BAZ2B: variants seen among roughly 807,000 people sequenced by gnomAD.
BAZ2B encodes the protein bromodomain adjacent to zinc finger domain protein 2B.
In BAZ2B, 91 loss-of-function variants were observed where a neutral mutation model predicts 246.0. The observed-to-expected ratio is 0.37, with a 90% CI of 0.31 to 0.44. The LOEUF is 0.44. BAZ2B is among the 20% of genes least tolerant of loss of function. The pLI is 1.00. For missense variants in BAZ2B, 2,332 were observed against 2,533.7 expected (o/e 0.92, Z 1.71); for synonymous variants, 855 against 860.0 (o/e 0.99, Z 0.10).
At position 159,385,775 on chromosome 2, in the gene BAZ2B, T is replaced by G. The variant is rs184460086; in HGVS notation, c.3472-406A>C. Among the ~76,000 whole-genome samples, 296 of 152,260 alleles carry G rather than the reference T, an allele frequency of 1.9e-3. 4 individuals are homozygous for G. The highest frequency in any genetic ancestry group is 6.7e-3 in the African/African-American group (279 of 41,566). On this transcript the variant is annotated intron_variant, in intron 22 of 36. Coordinates refer to ENST00000392783, the MANE Select transcript of BAZ2B (RefSeq NM_013450.4). ...TCTACCCTTAAAGTGTTATAGGTTT[T>G]ACTGGCTGGGGATAATAAATAGGGA...
At chr2:159,406,855 C>T (rs984599081) in intron 14 of BAZ2B, among the ~76,000 whole-genome samples, 2 of 151,840 alleles carry the variant, frequency 1.3e-5, no homozygotes, top group Non-Finnish European at 2.9e-5. Context: ...CCCAGGTTTA[C>T]GCCATTCTCC....
chr2:159,600,960 A>C (rs1691986055), intron 1 of BAZ2B, among the ~76,000 whole-genome samples: 1 of 152,174 alleles, frequency 6.6e-6, no homozygotes, highest in South Asian at 2.1e-4. Context: ...CAAAACTCAT[A>C]ATCCACAGGA....
At chr2:159,364,257 C>T (rs2059997422) in intron 27 of BAZ2B, among the ~76,000 whole-genome samples, 1 of 152,226 alleles carries the variant, frequency 6.6e-6, no homozygotes, top group Admixed American at 6.5e-5. Context: ...AAACAAGTTC[C>T]TCAACTGGGG....
intron 2 of BAZ2B, among the ~76,000 whole-genome samples, chr2:159,491,058 T>C (rs1246460274): frequency 2.0e-5 from 3 of 152,210 alleles, no homozygotes; most frequent in Non-Finnish European, 4.4e-5. Context: ...ATTTTATGGC[T>C]ACTATTAAGT....
At chr2:159,686,991 G>C in the BAZ2B span, among the ~76,000 whole-genome samples, 1 of 137,048 alleles carries the variant, frequency 7.3e-6, no homozygotes, top group Non-Finnish European at 1.5e-5. Flanking sequence ...GCAGTGAGCC[G>C]AGATTGCGCC....
intron 2 of BAZ2B, among the ~76,000 whole-genome samples, chr2:159,520,764 T>G (rs546355146): frequency 3.0e-4 from 45 of 152,248 alleles, no homozygotes; most frequent in African/African-American, 1.1e-3. Flanking sequence ...TCAAAATAAT[T>G]TCAATTGTGA....
chr2:159,324,185 T>A (rs1009279586), intron 36 of BAZ2B, among the ~76,000 whole-genome samples: 1 of 152,158 alleles, frequency 6.6e-6, no homozygotes, highest in Non-Finnish European at 1.5e-5. Context: ...ATATATTGTA[T>A]GAGTATCAGG....
At chr2:159,519,210 C>CTTTTTT (rs564614568) in intron 2 of BAZ2B, among the ~76,000 whole-genome samples, 629 of 57,764 alleles carry the variant, frequency 0.011, 95 homozygotes, top group Non-Finnish European at 0.017. Flanking sequence ...ATTCTATTTT[C>CTTTTTT]TTTTTTTTTT....
chr2:159,320,292 C>T lies in BAZ2B; in HGVS notation c.6480G>A (p.Lys2160=). Residue 2160 remains lysine (K), a synonymous_variant, in exon 37 of 37, where the codon AAG becomes AAA. Transcript: ENST00000392783. The stretch of plus-strand genomic sequence containing the variant: ...AGCTCACTTTGAAAGTATCTGTCCA[C>T]TTTTTTTCAAAATACTTCCTCATAT... The part of the protein sequence containing the change: ...GHNMRKYFEK[K]WTDTFKVS The T allele has an allele frequency of 1.3e-6, 2 of 1,561,808 alleles. No homozygotes were observed. Among genetic ancestry groups the T allele is most frequent in the Non-Finnish European group, 8.6e-7 (1 of 1,166,162 alleles).
chr2:159,561,413 C>T (rs1030356017), intron 1 of BAZ2B, among the ~76,000 whole-genome samples: 1 of 152,194 alleles, frequency 6.6e-6, no homozygotes, highest in African/African-American at 2.4e-5. Context: ...GATGACAGCA[C>T]CATGCCTCTT....
chr2:159,556,751 C>G (rs889918705), intron 1 of BAZ2B, among the ~76,000 whole-genome samples: 1 of 152,032 alleles, frequency 6.6e-6, no homozygotes, highest in Non-Finnish European at 1.5e-5. Flanking sequence ...CATGAGCCAC[C>G]GGACCTAGCC....
chr2:159,683,539 C>T, the BAZ2B span, among the ~76,000 whole-genome samples: 1 of 152,152 alleles, frequency 6.6e-6, no homozygotes, highest in Non-Finnish European at 1.5e-5. Flanking sequence ...GGTTAGTTTT[C>T]TTGTTGCTGC....
chr2:159,368,858 T>TAAAAA (rs58161936), intron 27 of BAZ2B, among the ~76,000 whole-genome samples: 1 of 123,868 alleles, frequency 8.1e-6, no homozygotes, highest in African/African-American at 3.4e-5. Context: ...CTGAAAGGCC[T>TAAAAA]AAAAAAAAAA....
Position 159,501,125 on chromosome 2 carries a change from T to TATATATATATTTTATATATATA in BAZ2B, c.-2-22405_-2-22404insTATATATATAAAATATATATAT, listed in dbSNP as rs1559628038. Among the ~76,000 whole-genome samples the TATATATATATTTTATATATATA allele has an allele frequency of 4.9e-4, 13 of 26,688 alleles. 1 individual carries two copies. The highest frequency in any genetic ancestry group is 1.5e-3 in the East Asian group (2 of 1,322). 17.5% of individuals were successfully genotyped at this position (26,688 alleles called of 152,430 possible). A position where few individuals can be genotyped will look rare whatever the true frequency, so the allele number is the denominator to read the frequency against. Reference sequence around the variant, plus strand: ...TCTCTGTTTAAAAATATATATATAATATATATATATATTTTATATATATAA... The same window carrying TATATATATATTTTATATATATA: ...TCTCTGTTTAAAAATATATATATAATATATATATATTTTATATATATAATATATATATATTTTATATATATAA... On this transcript the variant is annotated intron_variant, in intron 2 of 36. Coordinates refer to ENST00000392783, the MANE Select transcript of BAZ2B (RefSeq NM_013450.4).
intron 3 of BAZ2B, among the ~76,000 whole-genome samples, chr2:159,465,729 C>A (rs185273935): frequency 6.6e-6 from 1 of 152,036 alleles, no homozygotes; most frequent in Non-Finnish European, 1.5e-5. Context: ...TGAGACCAAC[C>A]TGGCCAACAT....
the BAZ2B span, among the ~76,000 whole-genome samples, chr2:159,697,590 T>C: frequency 1.3e-5 from 2 of 152,192 alleles, no homozygotes; most frequent in African/African-American, 4.8e-5. Context: ...CCTGGCTATA[T>C]GAAAGAGTAT....
At chr2:159,317,105 A>C (rs1249472264), downstream of BAZ2B, among the ~76,000 whole-genome samples, 3 of 152,256 alleles carry the variant, frequency 2.0e-5, no homozygotes, top group Non-Finnish European at 4.4e-5. Flanking sequence ...TCATTTCTCA[A>C]ATGGAGATAT....
At chr2:159,590,245 A>C in intron 1 of BAZ2B, among the ~76,000 whole-genome samples, 1 of 125,502 alleles carries the variant, frequency 8.0e-6, no homozygotes, top group Admixed American at 9.0e-5. Flanking sequence ...CCCAGCAAGA[A>C]CTGGCTATTG....
chr2:159,341,431 G>A (rs1366422440), intron 31 of BAZ2B, among the ~76,000 whole-genome samples: 1 of 152,054 alleles, frequency 6.6e-6, no homozygotes, highest in Admixed American at 6.6e-5. Context: ...ATATGATAAT[G>A]GCTGGGGATT....
Sources: gnomAD v4.1 joint callset for allele counts (sites outside exome capture counted in the v4.1 genomes callset) on GRCh38, gnomAD v4.1.1 for gene constraint, MANE v1.5 for transcripts, NCBI Gene and HGNC (gene_info 2026-07-23, HGNC 2026-07-21) for gene names.